GNPDA2: variants seen among roughly 807,000 people sequenced by gnomAD.
GNPDA2 encodes the protein glcN6P deaminase 2.
GNPDA2 carries 24 observed loss-of-function variants against 27.0 expected under a neutral mutation model. The ratio of observed to expected loss-of-function variants is 0.89; its 90% CI spans 0.64 to 1.25. The LOEUF is 1.25. Among genes scored for constraint, GNPDA2 ranks in the 50% most tolerant of loss-of-function variants. GNPDA2 has a pLI of 0.00. For missense variants in GNPDA2, 286 were observed against 335.1 expected (o/e 0.85, Z 1.14); for synonymous variants, 94 against 108.4 (o/e 0.87, Z 0.83).
At chr4:44,710,432 C>A (rs1027121273) in intron 5 of GNPDA2, among the ~76,000 whole-genome samples, 23 of 152,122 alleles carry the variant, frequency 1.5e-4, no homozygotes, top group Non-Finnish European at 2.1e-4. Context: ...TTAAAAATTA[C>A]ACAGGGTCTT....
intron 6 of GNPDA2, chr4:44,704,777 G>C: frequency 4.1e-6 from 4 of 984,210 alleles, no homozygotes; most frequent in Non-Finnish European, 4.8e-6. Context: ...TCTATACAAA[G>C]TAACTTTTAT....
intron 1 of GNPDA2, among the ~76,000 whole-genome samples, chr4:44,725,226 G>A (rs1717938216): frequency 6.6e-6 from 1 of 152,162 alleles, no homozygotes; most frequent in African/African-American, 2.4e-5. Flanking sequence ...CTCTGAGGTT[G>A]AAAGCATTAT....
rs1277173902 is a variant in GNPDA2 at position 44,703,342 on chromosome 4, T to G, written c.770-200A>C. 9 of 1,358,630 alleles carry G rather than the reference T, an allele frequency of 6.6e-6. No individual in the cohort carries two copies. In the African/African-American group the frequency reaches 1.2e-4, roughly 18 times the overall value. The allele number at this position is 1,358,630 out of a possible 1,614,324, so 84.2% of individuals were successfully genotyped here. On this transcript the variant is annotated intron_variant, in intron 6 of 6. Transcript: ENST00000295448. ...TATCTACCTAGCAAATACCAATTTA[T>G]AATTATGTAACAGTGCAGATCTAGA...
At chr4:44,705,404 C>G in intron 6 of GNPDA2, 5 of 984,838 alleles carry the variant, frequency 5.1e-6, no homozygotes, top group Non-Finnish European at 6.0e-6. Context: ...AGGCTGATAC[C>G]CTGAAACCTC....
At chr4:44,704,210 T>G in intron 6 of GNPDA2, 4 of 984,202 alleles carry the variant, frequency 4.1e-6, no homozygotes, top group Non-Finnish European at 3.6e-6. Flanking sequence ...AGCATTCCAT[T>G]CACTAGTCCT....
chr4:44,722,059 T>C (rs964923132), intron 2 of GNPDA2, 25 bp downstream of exon 2: 6 of 1,538,930 alleles, frequency 3.9e-6, no homozygotes, highest in Middle Eastern at 1.7e-4. Context: ...TATCAGAATA[T>C]AAAATGGAAA....
At chr4:44,711,342 AT>A (rs1716967469) in intron 4 of GNPDA2, among the ~76,000 whole-genome samples, 1 of 152,180 alleles carries the variant, frequency 6.6e-6, no homozygotes. Flanking sequence ...CATGATTCTA[AT>A]AGTAAAATTA....
intron 6 of GNPDA2, 97 bp from the exon 7 acceptor site, chr4:44,703,239 C>T: frequency 6.8e-7 from 1 of 1,481,398 alleles, no homozygotes; most frequent in South Asian, 1.4e-5. Context: ...ACACAGTAAG[C>T]CTGTTTAGTT....
Position 44,701,969 on chromosome 4 carries a change from T to C in GNPDA2, c.*1112A>G. The C allele has an allele frequency of 1.0e-6, 1 of 985,174 alleles. No individual in the cohort carries two copies. The highest frequency in any genetic ancestry group is 4.7e-5 in the South Asian group (1 of 21,278). The allele number at this position is 985,174 out of a possible 1,614,324, so 61.0% of individuals were successfully genotyped here. A position where few individuals can be genotyped will look rare whatever the true frequency, so the allele number is the denominator to read the frequency against. ...TAAGGCTTCTTCTACCAGGTGGGCTTATGAAATGCAAAATAAGCAAAAGGA... is the reference window on the plus strand; with the variant it reads ...TAAGGCTTCTTCTACCAGGTGGGCTCATGAAATGCAAAATAAGCAAAAGGA... On this transcript the variant is annotated 3_prime_UTR_variant, in exon 7 of 7. Transcript: ENST00000295448.
intron 2 of GNPDA2, 86 bp downstream of exon 2, chr4:44,721,998 A>T (rs1158128113): frequency 2.9e-6 from 3 of 1,022,450 alleles, no homozygotes; most frequent in Admixed American, 2.2e-5. Flanking sequence ...ATGAATGGGG[A>T]AAGTATCTTA....
In GNPDA2 at chr4:44,703,019, T is replaced by G. The variant is rs1460960616; in HGVS notation, c.*62A>C. 3 of 1,593,096 alleles carry G rather than the reference T, an allele frequency of 1.9e-6. No homozygotes were observed. The East Asian group carries it at 6.7e-5, about 36-fold the overall frequency. On this transcript the variant is annotated 3_prime_UTR_variant, in exon 7 of 7. Transcript: ENST00000295448. ...TTTTGTCATATTGCATAGCTGAAAA[T>G]TCATCTACTACTTAGTAAAAAGTGC...
intron 1 of GNPDA2, among the ~76,000 whole-genome samples, 190 bp downstream of exon 1, chr4:44,726,284 A>G (rs1029740038): frequency 2.0e-5 from 3 of 152,120 alleles, no homozygotes; most frequent in African/African-American, 4.8e-5. Flanking sequence ...TCCGGAGAGG[A>G]CAACCAGGTC....
intron 4 of GNPDA2, among the ~76,000 whole-genome samples, chr4:44,712,780 T>C (rs1475826059): frequency 6.6e-6 from 1 of 152,204 alleles, no homozygotes; most frequent in Non-Finnish European, 1.5e-5. Flanking sequence ...CAAAGGTTAA[T>C]AACAGAGCTG....
intron 2 of GNPDA2, among the ~76,000 whole-genome samples, chr4:44,719,110 A>C (rs1217375306): frequency 6.6e-6 from 1 of 152,058 alleles, no homozygotes. Context: ...ACAAAATAAA[A>C]ATAAATATAT....
intron 4 of GNPDA2, among the ~76,000 whole-genome samples, chr4:44,712,885 C>G (rs1331434116): frequency 6.6e-6 from 1 of 152,150 alleles, no homozygotes; most frequent in African/African-American, 2.4e-5. Context: ...GCCTTTAAGT[C>G]TAAATTAAGA....
At chr4:44,712,939 G>A (rs931929324) in intron 4 of GNPDA2, among the ~76,000 whole-genome samples, 4 of 152,198 alleles carry the variant, frequency 2.6e-5, no homozygotes, top group African/African-American at 9.6e-5. Context: ...ACTGTCTGGA[G>A]TAAATGTCAT....
chr4:44,721,502 G>A (rs1037805154), intron 2 of GNPDA2, among the ~76,000 whole-genome samples: 11 of 151,984 alleles, frequency 7.2e-5, no homozygotes, highest in Admixed American at 6.6e-4. Flanking sequence ...CCACCTAGTC[G>A]TTTTTTAAGA....
At chr4:44,713,112 GT>G (rs1717073113) in intron 4 of GNPDA2, among the ~76,000 whole-genome samples, 1 of 152,110 alleles carries the variant, frequency 6.6e-6, no homozygotes, top group Admixed American at 6.6e-5. Context: ...CTATTCTTTG[GT>G]CAGCTCGGTA....
chr4:44,725,391 G>A (rs1110293), intron 1 of GNPDA2, among the ~76,000 whole-genome samples: 79,987 of 152,102 alleles, frequency 0.53, 22,457 homozygotes, highest in Non-Finnish European at 0.64. Flanking sequence ...TACGATGCTA[G>A]TTAAAAATAC....
Sources: gnomAD v4.1 joint callset for allele counts (sites outside exome capture counted in the v4.1 genomes callset) on GRCh38, gnomAD v4.1.1 for gene constraint, MANE v1.5 for transcripts, NCBI Gene and HGNC (gene_info 2026-07-23, HGNC 2026-07-21) for gene names.